Variants in CALCR observed in about 807,000 individuals in gnomAD.
CALCR encodes calcitonin receptor.
CALCR carries 47 observed loss-of-function variants against 59.5 expected under a neutral mutation model. The observed-to-expected ratio is 0.79, with a 90% CI of 0.63 to 1.01. The LOEUF is 1.01. CALCR is among the 50% of genes least tolerant of loss of function. The pLI is 0.00. For missense variants in CALCR, 566 were observed against 597.1 expected (o/e 0.95, Z 0.54); for synonymous variants, 213 against 211.3 (o/e 1.01, Z -0.07).
At chr7:93,568,474 C>T (rs1031631406) in intron 2 of CALCR, among the ~76,000 whole-genome samples, 1 of 150,928 alleles carries the variant, frequency 6.6e-6, no homozygotes, top group African/African-American at 2.4e-5. Context: ...CGCATGAGTG[C>T]TCGCTTTCTC....
chr7:93,429,934 GT>G (rs60085032), intron 13 of CALCR, among the ~76,000 whole-genome samples: 1 of 93,202 alleles, frequency 1.1e-5, no homozygotes, highest in Non-Finnish European at 2.0e-5. Context: ...TTGTTTGTTT[GT>G]TTTTTTGTTT....
chr7:93,530,596 GCA>G lies in CALCR; in HGVS notation c.-26-43591_-26-43590del, dbSNP rs1339257031. On this transcript the variant is annotated intron_variant, in intron 2 of 13. Transcript: ENST00000426151. ...TCTTCTATTAGCAAGGTTTCAGAGA[GCA>G]CAGATGGCAATTAGTCACACAGATG... Among the ~76,000 whole-genome samples, 3 of 152,052 alleles carry G rather than the reference GCA, an allele frequency of 2.0e-5. No individual in the cohort carries two copies. In the East Asian group the frequency reaches 5.8e-4, roughly 29 times the overall value.
intron 2 of CALCR, among the ~76,000 whole-genome samples, chr7:93,489,271 A>AGAG (rs1801020062): frequency 1.3e-5 from 2 of 152,058 alleles, no homozygotes; most frequent in African/African-American, 4.8e-5. Context: ...AGCAGTGTTA[A>AGAG]GAGGGAAATT....
intron 13 of CALCR, among the ~76,000 whole-genome samples, chr7:93,429,453 C>A (rs1456116591): frequency 1.3e-5 from 2 of 152,156 alleles, no homozygotes; most frequent in South Asian, 4.1e-4. Context: ...ACACTATTCA[C>A]TTTACTTTTT....
At chr7:93,497,207 T>C (rs1305730262) in intron 2 of CALCR, among the ~76,000 whole-genome samples, 2 of 151,484 alleles carry the variant, frequency 1.3e-5, no homozygotes, top group Admixed American at 6.6e-5. Context: ...AATGATGTCA[T>C]ATTGAAAGAA....
chr7:93,552,935 C>T (rs1043915923), intron 2 of CALCR, among the ~76,000 whole-genome samples: 5 of 152,044 alleles, frequency 3.3e-5, no homozygotes, highest in Admixed American at 3.3e-4. Context: ...GGGAAAGACC[C>T]GAGAAATTCT....
chr7:93,499,497 A>G (rs1461390045), intron 2 of CALCR, among the ~76,000 whole-genome samples: 1 of 151,858 alleles, frequency 6.6e-6, no homozygotes, highest in Non-Finnish European at 1.5e-5. Flanking sequence ...ATGGATGGCC[A>G]CGTCTGGGTA....
intron 8 of CALCR, among the ~76,000 whole-genome samples, chr7:93,446,230 T>C (rs998553753): frequency 6.6e-6 from 1 of 152,020 alleles, no homozygotes; most frequent in Non-Finnish European, 1.5e-5. Context: ...ACACAAATTT[T>C]AAAAATCACC....
intron 2 of CALCR, among the ~76,000 whole-genome samples, chr7:93,522,074 G>T (rs959388252): frequency 4.6e-5 from 7 of 152,068 alleles, no homozygotes; most frequent in African/African-American, 1.7e-4. Flanking sequence ...GAAACAATTT[G>T]TGTATGTTTG....
At chr7:93,446,836 C>A (rs1320135610) in intron 8 of CALCR, among the ~76,000 whole-genome samples, 1 of 151,974 alleles carries the variant, frequency 6.6e-6, no homozygotes, top group Admixed American at 6.6e-5. Context: ...GTAGTATGAT[C>A]TTCCAAATTG....
At chr7:93,505,144 A>G in intron 2 of CALCR, among the ~76,000 whole-genome samples, 1 of 152,068 alleles carries the variant, frequency 6.6e-6, no homozygotes, top group African/African-American at 2.4e-5. Context: ...TCTAGATAAG[A>G]CTAGATATAG....
In CALCR at chr7:93,468,708, T is replaced by C. The variant is rs369704187; in HGVS notation, c.521+7A>G. On this transcript the variant is annotated splice_region_variant and intron_variant, in intron 7 of 13. Coordinates refer to ENST00000426151, the MANE Select transcript of CALCR (RefSeq NM_001742.4). ...AAATAAAGAGCAGATGCTGTGAGTG[T>C]ACTTACCTGAAAAACACGAAAATCC... 8 of 1,585,652 alleles carry C rather than the reference T, an allele frequency of 5.0e-6. No homozygotes were observed. The African/African-American group carries it at 6.7e-5, about 13-fold the overall frequency.
At position 93,510,853 on chromosome 7, in the gene CALCR, C is replaced by G. The variant is rs184504236; in HGVS notation, c.-26-23846G>C. Reference sequence around the variant, plus strand: ...ACTCCATCCAGCCTGGACAACAGAGCGAGACCTTGTCTCTACAAAAACAAA... The same window carrying G: ...ACTCCATCCAGCCTGGACAACAGAGGGAGACCTTGTCTCTACAAAAACAAA... On this transcript the variant is annotated intron_variant, in intron 2 of 13. Transcript: ENST00000426151. Among the ~76,000 whole-genome samples the G allele has an allele frequency of 5.9e-5, 9 of 152,046 alleles. No homozygotes were observed. The East Asian group carries it at 1.5e-3, about 26-fold the overall frequency.
intron 8 of CALCR, among the ~76,000 whole-genome samples, chr7:93,458,232 G>A (rs6970701): frequency 0.13 from 19,291 of 152,012 alleles, 2,669 homozygotes; most frequent in African/African-American, 0.33. Flanking sequence ...ACACTCTGGA[G>A]CCATTAGAAG....
chr7:93,464,704 G>A (rs991811497), intron 7 of CALCR, among the ~76,000 whole-genome samples: 7 of 151,872 alleles, frequency 4.6e-5, no homozygotes, highest in South Asian at 2.1e-4. Context: ...AGAATATGCC[G>A]TGGTATGATC....
At chr7:93,468,863 A>T in intron 6 of CALCR, 57 bp from the exon 7 acceptor site, 2 of 910,208 alleles carry the variant, frequency 2.2e-6, no homozygotes, top group Non-Finnish European at 1.6e-6. Flanking sequence ...TCAGAGAGAA[A>T]ATCATTTCTA....
intron 8 of CALCR, among the ~76,000 whole-genome samples, chr7:93,446,064 G>A (rs1562976791): frequency 6.6e-6 from 1 of 152,016 alleles, no homozygotes. Context: ...GTCTGTGAAT[G>A]ATAGCAAATC....
chr7:93,554,009 A>G (rs1232282945), intron 2 of CALCR, among the ~76,000 whole-genome samples: 1 of 152,160 alleles, frequency 6.6e-6, no homozygotes, highest in Non-Finnish European at 1.5e-5. Context: ...CCTATTTGTC[A>G]TTTCTGCTTT....
chr7:93,503,578 T>C (rs1801367798), intron 2 of CALCR, among the ~76,000 whole-genome samples: 1 of 152,082 alleles, frequency 6.6e-6, no homozygotes, highest in Non-Finnish European at 1.5e-5. Context: ...TTTTGCAACA[T>C]TGACGGGAAT....
Sources: allele counts gnomAD v4.1 joint callset (sites outside exome capture counted in the v4.1 genomes callset), GRCh38; gene constraint gnomAD v4.1.1; transcripts MANE v1.5; gene names NCBI Gene and HGNC (gene_info 2026-07-23, HGNC 2026-07-21).